Variants in HTRA1 observed in about 807,000 individuals in gnomAD.
HTRA1 encodes the protein serine protease HTRA1.
HTRA1 carries 26 observed loss-of-function variants against 49.7 expected under a neutral mutation model. That is an observed-to-expected ratio of 0.52 (90% confidence interval 0.38 to 0.73). HTRA1 has a LOEUF of 0.73. Among genes scored for constraint, HTRA1 ranks in the 30% least tolerant of loss-of-function variants. HTRA1 has a pLI of 0.00. For synonymous variants in HTRA1, 291 were observed against 286.9 expected, an observed-to-expected ratio of 1.01 and a Z score of -0.14; for missense variants, 561 against 667.2, an observed-to-expected ratio of 0.84 and a Z score of 1.75.
In HTRA1 at chr10:122,514,382, A is replaced by G. The variant is rs776723547; in HGVS notation, c.*23A>G. 11 of 1,612,160 alleles carry G rather than the reference A, an allele frequency of 6.8e-6. No individual in the cohort carries two copies. The Middle Eastern group carries it at 5.0e-4, about 73-fold the overall frequency. ...TAGGCAGAGGCATGAGCTGGACTTC[A>G]TGTTTCCCTCAAAGACTCTCCCGTG... On this transcript the variant is annotated 3_prime_UTR_variant, in exon 9 of 9. Transcript: ENST00000368984.
At chr10:122,462,481 A>C (rs777385383) in intron 1 of HTRA1, among the ~76,000 whole-genome samples, 32 of 152,280 alleles carry the variant, frequency 2.1e-4, no homozygotes, top group Non-Finnish European at 3.7e-4. Context: ...AGAGAAGTTC[A>C]GGACTGGGAA....
intron 3 of HTRA1, among the ~76,000 whole-genome samples, chr10:122,499,182 G>A (rs1182815563): frequency 3.9e-5 from 6 of 152,074 alleles, no homozygotes; most frequent in African/African-American, 1.4e-4. Context: ...TGTGTTGGAG[G>A]AGTGGGACCC....
chr10:122,496,226 T>G (rs939064549), intron 3 of HTRA1, among the ~76,000 whole-genome samples: 1 of 36,486 alleles, frequency 2.7e-5, no homozygotes, highest in South Asian at 2.7e-3. Context: ...AGATTGTGGG[T>G]TCTTTTTTTT....
intron 1 of HTRA1, among the ~76,000 whole-genome samples, chr10:122,479,814 C>A (rs1204519803): frequency 1.3e-5 from 2 of 151,834 alleles, no homozygotes; most frequent in East Asian, 1.9e-4. Context: ...GGGGATCCTG[C>A]AGGAAGTTTA....
chr10:122,507,703 A>G (rs2097503755), intron 5 of HTRA1, among the ~76,000 whole-genome samples: 2 of 152,156 alleles, frequency 1.3e-5, no homozygotes, highest in African/African-American at 4.8e-5. Flanking sequence ...TTCAGGGCCA[A>G]TGCAGGAGTA....
At position 122,506,870 on chromosome 10, in the gene HTRA1, C is replaced by A. The variant is rs373287445; in HGVS notation, c.957C>A (p.Thr319=). The change falls in exon 4 of 9, where the codon ACC becomes ACA. Residue 319 remains threonine, a synonymous_variant. Coordinates refer to ENST00000368984, the MANE Select transcript of HTRA1 (RefSeq NM_002775.5). The surrounding 1 kb of genome is among the most constrained non-coding windows in gnomAD (Gnocchi z 5.2). ...ACTCAGACATGGACTACATCCAGACCGACGCCATCATCAACGTGAGCCTCT... is the reference window on the plus strand; with the variant it reads ...ACTCAGACATGGACTACATCCAGACAGACGCCATCATCAACGTGAGCCTCT... The part of the protein sequence containing the change: ...LRNSDMDYIQ[T]DAIINYGNSG... The A allele has an allele frequency of 6.2e-7, 1 of 1,613,488 alleles. No individual in the cohort carries two copies. The highest frequency in any genetic ancestry group is 2.2e-5 in the East Asian group (1 of 44,862).
chr10:122,487,319 G>A lies in HTRA1; in HGVS notation c.473-1583G>A, dbSNP rs1012765011. ...TGCTTTAGCAGAGACTTGTTAAGAG[G>A]TAGCAGCAGGTGGCAAGATTAGGAG... On this transcript the variant is annotated intron_variant, in intron 1 of 8. Transcript: ENST00000368984. This position sits in a 1 kb window ranked among gnomAD's most constrained non-coding sequence, Gnocchi z 4.8. Among the ~76,000 whole-genome samples the A allele has an allele frequency of 6.6e-6, 1 of 152,136 alleles. No individual in the cohort carries two copies. Among genetic ancestry groups the A allele is most frequent in the Admixed American group, 6.5e-5 (1 of 15,278 alleles).
At chr10:122,489,719 CG>C (rs2097494875) in intron 3 of HTRA1, 93 bp downstream of exon 3, 10 of 1,199,618 alleles carry the variant, frequency 8.3e-6, no homozygotes, top group South Asian at 1.3e-5. Flanking sequence ...AGCTGATTCT[CG>C]GGGGGCACTG....
chr10:122,482,399 C>T (rs889166259), intron 1 of HTRA1, among the ~76,000 whole-genome samples: 1 of 152,092 alleles, frequency 6.6e-6, no homozygotes, highest in Non-Finnish European at 1.5e-5. Flanking sequence ...CAATCTAGAG[C>T]TAGTTTACAA....
At chr10:122,504,230 C>T (rs142901631) in intron 3 of HTRA1, among the ~76,000 whole-genome samples, 65 of 152,340 alleles carry the variant, frequency 4.3e-4, no homozygotes, top group African/African-American at 1.5e-3. Context: ...TGTCTCCTTG[C>T]CGCATCCTCT....
intron 1 of HTRA1, among the ~76,000 whole-genome samples, chr10:122,463,238 G>C (rs1273777480): frequency 6.6e-6 from 1 of 152,254 alleles, no homozygotes; most frequent in African/African-American, 2.4e-5. Context: ...CTAGGGCTTA[G>C]CATAGTTTGG....
intron 8 of HTRA1, among the ~76,000 whole-genome samples, chr10:122,513,628 C>CAAAAAAAA (rs10605017): frequency 1.5e-5 from 1 of 65,996 alleles, no homozygotes; most frequent in African/African-American, 6.0e-5. Flanking sequence ...GACCCCATCT[C>CAAAAAAAA]AAAAAAAAAA....
rs189650769 is a variant in HTRA1, at chr10:122,487,762, C to G, written c.473-1140C>G. On this transcript the variant is annotated intron_variant, in intron 1 of 8. Transcript: ENST00000368984. This position sits in a 1 kb window ranked among gnomAD's most constrained non-coding sequence, Gnocchi z 4.8. ...CAGAGCCTGTTGTTTCTAGGATGCA[C>G]GCCCGTACAGTAGGTTACTGTACTG... Among the ~76,000 whole-genome samples the G allele has an allele frequency of 6.6e-6, 1 of 152,130 alleles. No individual in the cohort carries two copies. The highest frequency in any genetic ancestry group is 1.5e-5 in the Non-Finnish European group (1 of 68,042).
In HTRA1 at chr10:122,508,754, T is replaced by C. The variant is rs930472784; in HGVS notation, c.1104T>C (p.His368=). 1.9e-6 allele frequency: 3 copies of C among 1,610,610 alleles called. No individual in the cohort carries two copies. In the African/African-American group the frequency reaches 4.0e-5, roughly 22 times the overall value. ...TTAAAAAGTTCCTCACGGAGTCCCA[T>C]GACCGACAGGCCAAAGGTAGGCAAG... is the stretch of plus-strand genomic sequence containing the variant. ...DKIKKFLTES[H]DRQAKGKAIT... is the part of the protein sequence containing the mutation. Residue 368 remains histidine (H), a synonymous_variant, in exon 6 of 9, where the codon CAT becomes CAC. Coordinates refer to ENST00000368984, the MANE Select transcript of HTRA1 (RefSeq NM_002775.5).
At chr10:122,482,574 AC>A (rs2097491455) in intron 1 of HTRA1, among the ~76,000 whole-genome samples, 1 of 152,108 alleles carries the variant, frequency 6.6e-6, no homozygotes, top group African/African-American at 2.4e-5. Flanking sequence ...TCTAATCTTT[AC>A]CTGGCATTTT....
At chr10:122,471,138 G>A (rs2133910739) in intron 1 of HTRA1, among the ~76,000 whole-genome samples, 1 of 152,290 alleles carries the variant, frequency 6.6e-6, no homozygotes, top group East Asian at 1.9e-4. Flanking sequence ...ATGTTTGCTG[G>A]TCAGGAAATG....
At position 122,487,618 on chromosome 10, in the gene HTRA1, G is replaced by A. The variant is rs1428104555; in HGVS notation, c.473-1284G>A. Reference sequence around the variant, plus strand: ...AATATAAACGGTCATGCATCACTGAGCAACAGGGATACGTTCTGAGAAATG... The same window carrying A: ...AATATAAACGGTCATGCATCACTGAACAACAGGGATACGTTCTGAGAAATG... On this transcript the variant is annotated intron_variant, in intron 1 of 8. Coordinates refer to ENST00000368984, the MANE Select transcript of HTRA1 (RefSeq NM_002775.5). This position sits in a 1 kb window ranked among gnomAD's most constrained non-coding sequence, Gnocchi z 4.8. Among the ~76,000 whole-genome samples the A allele has an allele frequency of 6.6e-6, 1 of 152,202 alleles. No homozygotes were observed. Among genetic ancestry groups the A allele is most frequent in the Non-Finnish European group, 1.5e-5 (1 of 68,030 alleles).
intron 3 of HTRA1, among the ~76,000 whole-genome samples, chr10:122,499,062 G>A (rs976567150): frequency 1.3e-5 from 2 of 152,134 alleles, no homozygotes; most frequent in Non-Finnish European, 1.5e-5. Flanking sequence ...TGATGATACC[G>A]TGGTTGTTCT....
Position 122,461,853 on chromosome 10 carries a change from G to T in HTRA1, c.201G>T (p.Val67=). 2 of 1,188,612 alleles carry T rather than the reference G, an allele frequency of 1.7e-6. No homozygotes were observed. Among genetic ancestry groups the T allele is most frequent in the Non-Finnish European group, 2.1e-6 (2 of 963,720 alleles). The allele number at this position is 1,188,612 out of a possible 1,614,324, so 73.6% of individuals were successfully genotyped here. A position where few individuals can be genotyped will look rare whatever the true frequency, so the allele number is the denominator to read the frequency against. The change falls in exon 1 of 9, where the codon GTG becomes GTT. Residue 67 remains valine (V), a synonymous_variant. Coordinates refer to ENST00000368984, the MANE Select transcript of HTRA1 (RefSeq NM_002775.5). The part of the protein sequence containing the change: ...RARDACGCCE[V]CGAPEGAACG... ...GGGACGCGTGCGGCTGCTGCGAGGT[G>T]TGCGGCGCGCCCGAGGGCGCCGCGT...
Sources: gnomAD v4.1 joint callset for allele counts (sites outside exome capture counted in the v4.1 genomes callset) on GRCh38, gnomAD v4.1.1 for gene constraint, Gnocchi (gnomAD v3.1) non-coding constraint, MANE v1.5 for transcripts, NCBI Gene and HGNC (gene_info 2026-07-23, HGNC 2026-07-21) for gene names.